The following CTIF variants were observed in gnomAD, a reference collection of about 807,000 sequenced individuals.
The protein encoded by CTIF is cap binding complex dependent translation initiation factor.
CTIF carries 21 observed loss-of-function variants against 66.0 expected under a neutral mutation model. The observed-to-expected ratio is 0.32, with a 90% CI of 0.23 to 0.46. CTIF has a LOEUF of 0.46. CTIF is among the 20% of genes least tolerant of loss of function. The probability of loss-of-function intolerance (pLI) is 1.00; values close to 1 mark genes in which losing one functional copy is unlikely to be tolerated. For synonymous variants in CTIF, 345 were observed against 326.4 expected (o/e 1.06, Z -0.62); for missense variants, 739 against 812.7 (o/e 0.91, Z 1.10).
At chr18:48,590,527 G>A in intron 1 of CTIF, among the ~76,000 whole-genome samples, 1 of 152,366 alleles carries the variant, frequency 6.6e-6, no homozygotes, top group African/African-American at 2.4e-5. Flanking sequence ...GGGTGGCCCA[G>A]GGCGGTGACT....
chr18:48,560,579 C>T (rs2089135025), intron 1 of CTIF, among the ~76,000 whole-genome samples: 1 of 151,752 alleles, frequency 6.6e-6, no homozygotes, highest in African/African-American at 2.4e-5. Context: ...ATCCTTCCTT[C>T]TTTTTCTTTG....
intron 7 of CTIF, among the ~76,000 whole-genome samples, chr18:48,724,559 T>C (rs1254951951): frequency 6.6e-6 from 1 of 152,166 alleles, no homozygotes; most frequent in African/African-American, 2.4e-5. Context: ...TCCTTCCTAC[T>C]CCTCCACCCC....
rs891456581 is a variant in CTIF at position 48,656,803 on chromosome 18, C to CG, written c.253-6942dup. Among the ~76,000 whole-genome samples, 213 of 152,098 alleles carry CG rather than the reference C, an allele frequency of 1.4e-3. 1 individual carries two copies. Among genetic ancestry groups the CG allele is most frequent in the African/African-American group, 4.9e-3 (202 of 41,486 alleles). ...CTCAGAACCTTGGCATTTCAGCAAC[C>CG]GGGGGGGCAGGGCCTGGATGCTGTC... On this transcript the variant is annotated intron_variant, in intron 3 of 11. Coordinates refer to ENST00000256413, the MANE Select transcript of CTIF (RefSeq NM_014772.3).
intron 7 of CTIF, among the ~76,000 whole-genome samples, chr18:48,730,789 C>T (rs928130620): frequency 3.5e-5 from 4 of 113,284 alleles, no homozygotes; most frequent in African/African-American, 1.4e-4. Flanking sequence ...GTGTGAAGGG[C>T]CCCCTGTGGT....
At chr18:48,611,786 A>G (rs1249969555) in intron 1 of CTIF, among the ~76,000 whole-genome samples, 1 of 152,220 alleles carries the variant, frequency 6.6e-6, no homozygotes, top group East Asian at 1.9e-4. Flanking sequence ...AATGTGTGCT[A>G]CATGCTGATA....
intron 10 of CTIF, among the ~76,000 whole-genome samples, chr18:48,819,517 C>G (rs2068438651): frequency 2.6e-5 from 4 of 152,210 alleles, no homozygotes. Flanking sequence ...AGCGCCGGCC[C>G]TGGCTGCTGG....
intron 7 of CTIF, among the ~76,000 whole-genome samples, chr18:48,742,346 G>T (rs1388064747): frequency 6.6e-6 from 1 of 152,206 alleles, no homozygotes; most frequent in Non-Finnish European, 1.5e-5. Flanking sequence ...GGTGCCCCGG[G>T]ATTCTTCTCA....
chr18:48,640,255 T>C (rs9948061), intron 3 of CTIF, among the ~76,000 whole-genome samples: 93,945 of 152,132 alleles, frequency 0.62, 31,881 homozygotes, highest in East Asian at 0.94. Flanking sequence ...ACCCTCACAC[T>C]GACTCATGCT....
At chr18:48,848,796 C>G (rs2069134991) in intron 10 of CTIF, among the ~76,000 whole-genome samples, 1 of 152,216 alleles carries the variant, frequency 6.6e-6, no homozygotes, top group African/African-American at 2.4e-5. Context: ...TGTGGGGCCT[C>G]CCACAGCCAC....
chr18:48,852,936 T>C (rs2069241445), intron 10 of CTIF, among the ~76,000 whole-genome samples: 1 of 152,196 alleles, frequency 6.6e-6, no homozygotes, highest in Admixed American at 6.5e-5. Context: ...AATAATTCTG[T>C]GCCATGTCCC....
intron 1 of CTIF, among the ~76,000 whole-genome samples, chr18:48,608,081 G>A (rs78133195): frequency 3.5e-4 from 53 of 152,242 alleles, no homozygotes; most frequent in African/African-American, 1.1e-3. Flanking sequence ...TTTCGAACTC[G>A]GATGCCTTAC....
At chr18:48,562,207 CTG>C (rs2089178216) in intron 1 of CTIF, among the ~76,000 whole-genome samples, 1 of 152,250 alleles carries the variant, frequency 6.6e-6, no homozygotes, top group Admixed American at 6.5e-5. Context: ...TGCTTTAAAA[CTG>C]TTAACTTACT....
intron 1 of CTIF, among the ~76,000 whole-genome samples, chr18:48,546,406 C>T (rs560288404): frequency 2.6e-5 from 4 of 152,214 alleles, no homozygotes; most frequent in African/African-American, 9.6e-5. Context: ...TCCATAAGCA[C>T]GTCCAAAAGG....
chr18:48,823,203 G>T (rs1411568516), intron 10 of CTIF, among the ~76,000 whole-genome samples: 4 of 151,398 alleles, frequency 2.6e-5, no homozygotes, highest in African/African-American at 9.7e-5. Context: ...TTTGTTGCCT[G>T]TGCTTTTGGA....
chr18:48,670,812 A>G, intron 6 of CTIF, 68 bp downstream of exon 6: 1 of 1,369,124 alleles, frequency 7.3e-7, no homozygotes, highest in Admixed American at 1.7e-5. Context: ...CTTCCTGGAC[A>G]GGACCTAACC....
rs1023821838 is a variant in CTIF, at chr18:48,862,733, C to T, written c.*3174C>T. On this transcript the variant is annotated 3_prime_UTR_variant, in exon 12 of 12. Transcript: ENST00000256413. ...TGTGGGAAGGGTACCACAGATCAGG[C>T]CGGGGCAGCTGTAGGGGCGGGGGCC... 1 of 152,422 alleles carries T rather than the reference C, an allele frequency of 6.6e-6. No individual in the cohort carries two copies. Among genetic ancestry groups the T allele is most frequent in the African/African-American group, 2.4e-5 (1 of 41,456 alleles). The allele number at this position is 152,422 out of a possible 1,614,324, so 9.4% of individuals were successfully genotyped here. A position where few individuals can be genotyped will look rare whatever the true frequency, so the allele number is the denominator to read the frequency against.
chr18:48,630,028 A>G (rs1481462998), intron 2 of CTIF, among the ~76,000 whole-genome samples: 2 of 152,244 alleles, frequency 1.3e-5, no homozygotes, highest in Non-Finnish European at 2.9e-5. Flanking sequence ...AAAATGTCAA[A>G]TGAAAAATTC....
intron 6 of CTIF, among the ~76,000 whole-genome samples, chr18:48,675,387 A>C (rs2091609915): frequency 6.6e-6 from 1 of 152,118 alleles, no homozygotes; most frequent in Admixed American, 6.5e-5. Context: ...CCTCGCCAGG[A>C]TCGGTGGCTG....
chr18:48,670,448 C>G (rs1176716785), intron 5 of CTIF, among the ~76,000 whole-genome samples: 1 of 149,648 alleles, frequency 6.7e-6, no homozygotes, highest in Non-Finnish European at 1.5e-5. Flanking sequence ...GGTTCCTCTC[C>G]CACCTCCCTC....
Sources: gnomAD v4.1 joint callset for allele counts (sites outside exome capture counted in the v4.1 genomes callset) on GRCh38, gnomAD v4.1.1 for gene constraint, MANE v1.5 for transcripts, NCBI Gene and HGNC (gene_info 2026-07-23, HGNC 2026-07-21) for gene names.